The following STPG2 variants were observed in gnomAD, a reference collection of about 807,000 sequenced individuals.
STPG2 encodes the protein sperm tail PG-rich repeat containing 2.
A neutral mutation model predicts 54.2 loss-of-function variants in STPG2; 56 were observed. That is an observed-to-expected ratio of 1.03 (90% confidence interval 0.83 to 1.29). STPG2 has a LOEUF of 1.29. Ranked by LOEUF, STPG2 falls within the 50% of genes most tolerant of loss-of-function variation. The probability of loss-of-function intolerance (pLI) is 0.00; values close to 1 mark genes in which losing one functional copy is unlikely to be tolerated. For synonymous variants in STPG2, 200 were observed against 181.8 expected (o/e 1.10, Z -0.81); for missense variants, 596 against 544.9 (o/e 1.09, Z -0.93).
chr4:98,011,165 G>A (rs1402253153), intron 5 of STPG2, among the ~76,000 whole-genome samples: 3 of 152,124 alleles, frequency 2.0e-5, no homozygotes, highest in African/African-American at 7.2e-5. Context: ...CTATGTCCAT[G>A]AGTTCTCATT....
At chr4:98,122,887 T>G (rs970433583) in intron 3 of STPG2, among the ~76,000 whole-genome samples, 1 of 152,222 alleles carries the variant, frequency 6.6e-6, no homozygotes, top group Non-Finnish European at 1.5e-5. Context: ...ATTATTGGTC[T>G]ATTCAGCGAT....
intron 9 of STPG2, among the ~76,000 whole-genome samples, chr4:97,815,949 T>C (rs948621722): frequency 2.0e-5 from 3 of 152,136 alleles, no homozygotes; most frequent in African/African-American, 7.2e-5. Context: ...GTTACATAAG[T>C]ATACATGTGC....
At chr4:97,632,885 T>C (rs1721337978) in intron 10 of STPG2, among the ~76,000 whole-genome samples, 1 of 152,188 alleles carries the variant, frequency 6.6e-6, no homozygotes, top group Non-Finnish European at 1.5e-5. Context: ...TTATCAATTA[T>C]TCATTCAACA....
rs920460055 is a variant in STPG2 at position 98,134,544 on chromosome 4, G to A, written c.110-85C>T. On this transcript the variant is annotated intron_variant, in intron 1 of 10. Coordinates refer to ENST00000295268, the MANE Select transcript of STPG2 (RefSeq NM_174952.3). ...AAACGCTCAAAATATATATAATCAT[G>A]AGTATCCTCAATTGTTAAGACTTTA... The A allele has an allele frequency of 5.8e-5, 36 of 620,278 alleles. 1 individual carries two copies. The highest frequency in any genetic ancestry group is 8.0e-5 in the Non-Finnish European group (31 of 386,736). 38.4% of individuals were successfully genotyped at this position (620,278 alleles called of 1,614,324 possible).
chr4:97,566,321 T>G (rs1241209571), intron 10 of STPG2, among the ~76,000 whole-genome samples: 1 of 152,142 alleles, frequency 6.6e-6, no homozygotes, highest in East Asian at 1.9e-4. Context: ...GTGACCTGAT[T>G]TTCCAGGTGC....
intron 10 of STPG2, among the ~76,000 whole-genome samples, chr4:97,610,199 G>A (rs1156675756): frequency 6.6e-6 from 1 of 152,058 alleles, no homozygotes; most frequent in African/African-American, 2.4e-5. Context: ...GCATCTGTCT[G>A]ATTTCAAAGG....
At chr4:97,478,374 T>C (rs187909178) in intron 4 of STPG2, among the ~76,000 whole-genome samples, 2 of 152,254 alleles carry the variant, frequency 1.3e-5, no homozygotes, top group Non-Finnish European at 2.9e-5. Flanking sequence ...ATTAAGACTT[T>C]TTACTTTTTA....
At chr4:97,974,182 G>A (rs1463357190) in intron 6 of STPG2, among the ~76,000 whole-genome samples, 3 of 152,160 alleles carry the variant, frequency 2.0e-5, no homozygotes, top group Non-Finnish European at 4.4e-5. Flanking sequence ...AGATTTGACT[G>A]CCCCACTGGA....
intron 9 of STPG2, among the ~76,000 whole-genome samples, chr4:97,815,549 CTT>C (rs1199990429): frequency 3.9e-5 from 6 of 152,092 alleles, no homozygotes; most frequent in African/African-American, 1.4e-4. Context: ...TCCTCACTCT[CTT>C]GTCATGTAAC....
chr4:97,979,925 A>G (rs929275254), intron 6 of STPG2, among the ~76,000 whole-genome samples: 1 of 151,784 alleles, frequency 6.6e-6, no homozygotes, highest in Non-Finnish European at 1.5e-5. Context: ...GAGTTTCACC[A>G]TGTTGGCCAG....
At chr4:97,614,818 T>C (rs1459827092) in intron 10 of STPG2, among the ~76,000 whole-genome samples, 2 of 152,156 alleles carry the variant, frequency 1.3e-5, no homozygotes, top group African/African-American at 4.8e-5. Flanking sequence ...ACCCATAACA[T>C]GGAAAGTTTT....
chr4:97,974,471 C>A (rs1342854224), intron 6 of STPG2, among the ~76,000 whole-genome samples: 1 of 151,916 alleles, frequency 6.6e-6, no homozygotes, highest in Non-Finnish European at 1.5e-5. Context: ...TGGGAGGGGC[C>A]CAGGGTAGAA....
rs145017770 is a variant in STPG2 at position 98,134,351 on chromosome 4, G to A, written c.218C>T (p.Ala73Val). Reference protein sequence around the residue: ...PGPGHYNVSEAQKISRSPTLT... With the variant: ...PGPGHYNVSEVQKISRSPTLT... ...TTATAGTAACTATAAAGTTACCTGTGCTTCTGAAACATTATAGTGTCCTGG... is the reference window on the plus strand; with the variant it reads ...TTATAGTAACTATAAAGTTACCTGTACTTCTGAAACATTATAGTGTCCTGG... Residue 73 changes from alanine to valine, a missense_variant, in exon 2 of 11, where the codon GCA becomes GTA. Coordinates refer to ENST00000295268, the MANE Select transcript of STPG2 (RefSeq NM_174952.3). The A allele has an allele frequency of 0.016, 24,439 of 1,532,712 alleles. 254 individuals carry two copies. Among genetic ancestry groups the A allele is most frequent in the Non-Finnish European group, 0.019 (21,956 of 1,134,602 alleles). 94.9% of individuals were successfully genotyped at this position (1,532,712 alleles called of 1,614,324 possible). A position where few individuals can be genotyped will look rare whatever the true frequency, so the allele number is the denominator to read the frequency against.
chr4:97,793,376 C>T (rs2865940), intron 9 of STPG2, among the ~76,000 whole-genome samples: 5,662 of 69,276 alleles, frequency 0.082, 280 homozygotes, highest in African/African-American at 0.2. Flanking sequence ...TATATACACA[C>T]ACACACACAC....
At chr4:97,862,461 C>T (rs555770368) in intron 8 of STPG2, among the ~76,000 whole-genome samples, 3 of 152,012 alleles carry the variant, frequency 2.0e-5, no homozygotes, top group Non-Finnish European at 2.9e-5. Flanking sequence ...CCTTAGAGAC[C>T]TGCAAAGAGA....
chr4:98,043,549 G>A (rs1737030395), intron 5 of STPG2, among the ~76,000 whole-genome samples: 1 of 151,886 alleles, frequency 6.6e-6, no homozygotes, highest in East Asian at 1.9e-4. Flanking sequence ...ATTTTAGGCT[G>A]ATAACAATGT....
chr4:97,674,230 T>G (rs972439562), intron 10 of STPG2, among the ~76,000 whole-genome samples: 3 of 152,154 alleles, frequency 2.0e-5, no homozygotes, highest in African/African-American at 4.8e-5. Flanking sequence ...GTAATAGGTC[T>G]TTCACGTAAC....
At chr4:98,097,008 A>G (rs937627420) in intron 5 of STPG2, among the ~76,000 whole-genome samples, 1 of 152,192 alleles carries the variant, frequency 6.6e-6, no homozygotes, top group Non-Finnish European at 1.5e-5. Flanking sequence ...AAAGCCTGGG[A>G]CGTGATGGCT....
chr4:98,111,603 C>T (rs1272487985), intron 3 of STPG2, among the ~76,000 whole-genome samples: 2 of 152,146 alleles, frequency 1.3e-5, no homozygotes, highest in Non-Finnish European at 2.9e-5. Context: ...TTCCCTTCTA[C>T]ATCTGCCTGG....
Sources: allele counts gnomAD v4.1 joint callset (sites outside exome capture counted in the v4.1 genomes callset), GRCh38; gene constraint gnomAD v4.1.1; transcripts MANE v1.5; gene names NCBI Gene and HGNC (gene_info 2026-07-23, HGNC 2026-07-21).